Variants in LIFR observed in about 807,000 individuals in gnomAD.
LIFR encodes leukemia inhibitory factor receptor.
In LIFR, 84 loss-of-function variants were observed where a neutral mutation model predicts 122.2. That is an observed-to-expected ratio of 0.69 (90% confidence interval 0.58 to 0.82). LIFR has a LOEUF of 0.82. Among genes scored for constraint, LIFR ranks in the 40% least tolerant of loss-of-function variants. The probability of loss-of-function intolerance (pLI) is 0.00; values close to 1 mark genes in which losing one functional copy is unlikely to be tolerated. For synonymous variants in LIFR, 422 were observed against 434.7 expected (o/e 0.97, Z 0.36); for missense variants, 1,294 against 1,311.6 (o/e 0.99, Z 0.21).
At chr5:38,540,905 T>C (rs1747556541) in intron 1 of LIFR, among the ~76,000 whole-genome samples, 1 of 152,112 alleles carries the variant, frequency 6.6e-6, no homozygotes, top group Non-Finnish European at 1.5e-5. Flanking sequence ...GCTGAAATAA[T>C]CTTAAAATAT....
At chr5:38,482,889 A>G (rs1038069095) in intron 18 of LIFR, among the ~76,000 whole-genome samples, 4 of 152,226 alleles carry the variant, frequency 2.6e-5, no homozygotes, top group Non-Finnish European at 4.4e-5. Context: ...TTCTGGAACT[A>G]TAATACCCAT....
chr5:38,550,486 T>C (rs1748144491), intron 1 of LIFR, among the ~76,000 whole-genome samples: 1 of 152,240 alleles, frequency 6.6e-6, no homozygotes, highest in African/African-American at 2.4e-5. Context: ...GCACCTTCGT[T>C]TGCCTGTCTG....
chr5:38,531,985 T>G (rs1747037652), intron 1 of LIFR, among the ~76,000 whole-genome samples: 1 of 152,234 alleles, frequency 6.6e-6, no homozygotes, highest in Non-Finnish European at 1.5e-5. Flanking sequence ...GTTTACTTAG[T>G]AGAATGAAAA....
intron 7 of LIFR, among the ~76,000 whole-genome samples, chr5:38,507,435 G>A (rs1231169318): frequency 3.3e-5 from 5 of 151,674 alleles, no homozygotes; most frequent in Non-Finnish European, 5.9e-5. Flanking sequence ...GTGGTGGAGG[G>A]TGCCTGAAGT....
intron 1 of LIFR, chr5:38,550,162 A>C: frequency 1.7e-6 from 1 of 580,388 alleles, no homozygotes; most frequent in Non-Finnish European, 2.2e-6. Flanking sequence ...AGTTATAACA[A>C]TTGAAACACC....
rs193019517 is a variant in LIFR at position 38,480,994 on chromosome 5, C to T, written c.*601G>A. The T allele has an allele frequency of 4.4e-6, 1 of 225,108 alleles. No individual in the cohort carries two copies. The highest frequency in any genetic ancestry group is 1.7e-4 in the South Asian group (1 of 5,752). The allele number at this position is 225,108 out of a possible 1,614,324, so 13.9% of individuals were successfully genotyped here. A position where few individuals can be genotyped will look rare whatever the true frequency, so the allele number is the denominator to read the frequency against. ...AGACAACTGTTTGATAACCATTATA[C>T]AGTAGGCACAGAAATAAGCATACTT... On this transcript the variant is annotated 3_prime_UTR_variant, in exon 20 of 20. Transcript: ENST00000453190.
At position 38,523,630 on chromosome 5, in the gene LIFR, A is replaced by G. The variant is rs765958827; in HGVS notation, c.398-48T>C. 2.9e-5 allele frequency: 42 copies of G among 1,430,142 alleles called. No homozygotes were observed. The African/African-American group carries it at 4.4e-4, about 15-fold the overall frequency. The allele number at this position is 1,430,142 out of a possible 1,614,324, so 88.6% of individuals were successfully genotyped here. A position where few individuals can be genotyped will look rare whatever the true frequency, so the allele number is the denominator to read the frequency against. ...AGAAAACTTAGTAAAATAAGTAATG[A>G]TTTTTCATACTGTAACTCCACTAAT... On this transcript the variant is annotated intron_variant, in intron 4 of 19. Transcript: ENST00000453190.
intron 13 of LIFR, 126 bp from the exon 14 acceptor site, chr5:38,493,911 T>A: frequency 1.3e-6 from 1 of 751,772 alleles, no homozygotes; most frequent in Non-Finnish European, 2.3e-6. Context: ...GTGCTCAAAC[T>A]AGATAAACCT....
rs192294513 is a variant in LIFR, at chr5:38,550,956, T to A, written c.-20+5378A>T. Among the ~76,000 whole-genome samples, 545 of 152,328 alleles carry A rather than the reference T, an allele frequency of 3.6e-3. 4 individuals are homozygous for A. Among genetic ancestry groups the A allele is most frequent in the African/African-American group, 0.012 (494 of 41,578 alleles). ...ACTTGATTTTTGTTTAAGTGCTTAA[T>A]TTTCTATTATTCATAAGAGCTATGC... On this transcript the variant is annotated intron_variant, in intron 1 of 19. Transcript: ENST00000453190.
intron 1 of LIFR, among the ~76,000 whole-genome samples, chr5:38,568,222 G>A (rs369643639): frequency 2.0e-5 from 3 of 152,252 alleles, no homozygotes; most frequent in African/African-American, 4.8e-5. Context: ...TAAGTGCTTT[G>A]GAAAAAAATT....
At chr5:38,599,839 T>C (rs1036236208), upstream of LIFR, among the ~76,000 whole-genome samples, 1 of 152,200 alleles carries the variant, frequency 6.6e-6, no homozygotes, top group African/African-American at 2.4e-5. Flanking sequence ...ACCATGTGAA[T>C]GGCCTCATCC....
chr5:38,592,970 C>T (rs753424569), intron 1 of LIFR, among the ~76,000 whole-genome samples: 8 of 151,784 alleles, frequency 5.3e-5, no homozygotes, highest in African/African-American at 9.7e-5. Flanking sequence ...TTTGGGAGAC[C>T]GAGGCGGATA....
intron 1 of LIFR, among the ~76,000 whole-genome samples, chr5:38,550,664 T>A (rs1363792829): frequency 6.6e-6 from 1 of 152,214 alleles, no homozygotes; most frequent in Non-Finnish European, 1.5e-5. Context: ...TATGTGAACG[T>A]CTACTATAGA....
rs116468754 is a variant in LIFR at position 38,583,885 on chromosome 5, A to G, written c.-20+11376T>C. 6.5e-3 allele frequency among the ~76,000 whole-genome samples: 987 copies of G among 152,136 alleles called. 9 individuals carry two copies. Among genetic ancestry groups the G allele is most frequent in the African/African-American group, 0.023 (938 of 41,520 alleles). On this transcript the variant is annotated intron_variant, in intron 1 of 19. Transcript: ENST00000263409. ...TAGTGAATAAGTCTCATGACATCTG[A>G]TGGCTTTATAAGGGGTTTCCCTTTT...
chr5:38,484,971 AAAAC>A (rs774932314), intron 17 of LIFR, 103 bp from the exon 18 acceptor site: 3 of 789,018 alleles, frequency 3.8e-6, no homozygotes, highest in African/African-American at 1.7e-5. Context: ...ATTTAGGAAA[AAAAC>A]AAAATTAACT....
chr5:38,505,933 T>G lies in LIFR; in HGVS notation c.1263A>C (p.Ser421=). ...NAHNPLGRSQ[S]TILVNITEKV... Reference sequence around the variant, plus strand: ...TTTCAGTTATATTAACTAAAATTGTTGATTGTGATCGACCCAGCGGATTGT... The same window carrying G: ...TTTCAGTTATATTAACTAAAATTGTGGATTGTGATCGACCCAGCGGATTGT... The change falls in exon 9 of 20, where the codon TCA becomes TCC. Residue 421 remains serine (S), a synonymous_variant. Coordinates refer to ENST00000453190, the MANE Select transcript of LIFR (RefSeq NM_001127671.2). 2 of 1,609,306 alleles carry G rather than the reference T, an allele frequency of 1.2e-6. No homozygotes were observed. Among genetic ancestry groups the G allele is most frequent in the Non-Finnish European group, 8.5e-7 (1 of 1,177,638 alleles).
rs959045828 is a variant in LIFR at position 38,475,153 on chromosome 5, G to T, written c.*6442C>A. On this transcript the variant is annotated 3_prime_UTR_variant, in exon 20 of 20. Transcript: ENST00000453190. The stretch of plus-strand genomic sequence containing the variant: ...TTTGCTATAATCATGTTTTCCAAAA[G>T]ATACAGAAACTAAATTCTGAAATTA... 1 of 182,474 alleles carries T rather than the reference G, an allele frequency of 5.5e-6. No individual in the cohort carries two copies. The highest frequency in any genetic ancestry group is 1.2e-5 in the Non-Finnish European group (1 of 85,656). The allele number at this position is 182,474 out of a possible 1,614,324, so 11.3% of individuals were successfully genotyped here.
In LIFR at chr5:38,481,834, C is replaced by T. The variant is rs755877357; in HGVS notation, c.3055G>A (p.Glu1019Lys). 6.2e-7 allele frequency: 1 copy of T among 1,614,032 alleles called. No individual in the cohort carries two copies. Among genetic ancestry groups the T allele is most frequent in the African/African-American group, 1.3e-5 (1 of 74,918 alleles). The change falls in exon 20 of 20, where the codon GAA (glutamate) becomes AAA (lysine). Residue 1019 changes from glutamate (E) to lysine (K), a missense_variant. Coordinates refer to ENST00000453190, the MANE Select transcript of LIFR (RefSeq NM_001127671.2). ...INSTVEDIAAEEDLDKTAGYR... is the reference protein window; with the variant it reads ...INSTVEDIAAKEDLDKTAGYR... ...CCCGCAGTTTTATCTAAGTCCTCTT[C>T]TGCAGCTATATCTTCCACAGTAGAA...
chr5:38,603,006 T>G (rs1750251800), intron 2 of LIFR, among the ~76,000 whole-genome samples: 1 of 152,150 alleles, frequency 6.6e-6, no homozygotes, highest in Non-Finnish European at 1.5e-5. Context: ...TTCCTAAACA[T>G]ACTGCGCACG....
Sources: gnomAD v4.1 joint callset for allele counts (sites outside exome capture counted in the v4.1 genomes callset) on GRCh38, gnomAD v4.1.1 for gene constraint, MANE v1.5 for transcripts, NCBI Gene and HGNC (gene_info 2026-07-23, HGNC 2026-07-21) for gene names.